EYS: variants seen among roughly 807,000 people sequenced by gnomAD.
EYS encodes EGF-like photoreceptor maintenance factor.
A neutral mutation model predicts 282.1 loss-of-function variants in EYS; 250 were observed. The ratio of observed to expected loss-of-function variants is 0.89; its 90% CI spans 0.80 to 0.98. The LOEUF is 0.98. EYS is among the 50% of genes least tolerant of loss of function. The pLI is 0.00. For missense variants in EYS, 4,016 were observed against 3,709.0 expected, an observed-to-expected ratio of 1.08 and a Z score of -2.15; for synonymous variants, 1,355 against 1,282.9, an observed-to-expected ratio of 1.06 and a Z score of -1.20.
chr6:64,670,580 A>G (rs1369912463), intron 22 of EYS, among the ~76,000 whole-genome samples: 1 of 152,046 alleles, frequency 6.6e-6, no homozygotes, highest in Non-Finnish European at 1.5e-5. Context: ...GACATTTTGC[A>G]TTTCTGTATT....
At chr6:64,615,169 A>T (rs371250063) in intron 24 of EYS, among the ~76,000 whole-genome samples, 2 of 152,084 alleles carry the variant, frequency 1.3e-5, no homozygotes, top group East Asian at 3.9e-4. Context: ...TTTTAGTACT[A>T]ATGCAAATCA....
chr6:64,229,841 G>T (rs1766365295), intron 31 of EYS, among the ~76,000 whole-genome samples: 1 of 152,144 alleles, frequency 6.6e-6, no homozygotes, highest in Non-Finnish European at 1.5e-5. Flanking sequence ...TCTTGGATAA[G>T]TAATAAAATT....
chr6:65,350,041 T>G (rs917443556), intron 9 of EYS, among the ~76,000 whole-genome samples: 8 of 151,440 alleles, frequency 5.3e-5, no homozygotes, highest in African/African-American at 1.7e-4. Flanking sequence ...AGTGACTTAA[T>G]TAAGAGAATT....
intron 2 of EYS, among the ~76,000 whole-genome samples, chr6:65,514,017 G>C (rs1315152200): frequency 6.6e-6 from 1 of 152,112 alleles, no homozygotes; most frequent in Non-Finnish European, 1.5e-5. Context: ...GTTTGCAGAT[G>C]ACATGATTGT....
intron 13 of EYS, among the ~76,000 whole-genome samples, chr6:65,028,338 A>G (rs538250159): frequency 2.6e-5 from 4 of 151,868 alleles, no homozygotes; most frequent in African/African-American, 9.6e-5. Flanking sequence ...TATTATCTAT[A>G]TCATATATAA....
intron 29 of EYS, among the ~76,000 whole-genome samples, chr6:64,381,264 T>C (rs1157421949): frequency 6.6e-6 from 1 of 152,138 alleles, no homozygotes; most frequent in African/African-American, 2.4e-5. Context: ...CTTTGAGCCT[T>C]AAAAACTACT....
At chr6:64,848,256 T>C (rs1765776180) in intron 19 of EYS, among the ~76,000 whole-genome samples, 3 of 152,028 alleles carry the variant, frequency 2.0e-5, no homozygotes, top group African/African-American at 7.2e-5. Context: ...TTTTTTCTTT[T>C]ATTTTTTCAG....
intron 6 of EYS, among the ~76,000 whole-genome samples, chr6:65,403,706 A>G (rs1057378087): frequency 1.3e-5 from 2 of 151,990 alleles, no homozygotes; most frequent in African/African-American, 4.8e-5. Context: ...TATTAAATAG[A>G]GAATATAAAT....
intron 15 of EYS, among the ~76,000 whole-genome samples, chr6:64,928,372 C>T (rs1204326874): frequency 1.3e-5 from 2 of 151,912 alleles, no homozygotes; most frequent in Non-Finnish European, 2.9e-5. Context: ...ATGTGATTAC[C>T]TTTCTTCCAC....
intron 33 of EYS, among the ~76,000 whole-genome samples, chr6:64,060,804 T>C (rs1253285084): frequency 6.6e-6 from 1 of 152,210 alleles, no homozygotes; most frequent in Non-Finnish European, 1.5e-5. Flanking sequence ...TAAATATGTC[T>C]ACAATGATTT....
At chr6:64,299,624 A>G (rs1368357522) in intron 30 of EYS, among the ~76,000 whole-genome samples, 1 of 152,182 alleles carries the variant, frequency 6.6e-6, no homozygotes, top group Non-Finnish European at 1.5e-5. Flanking sequence ...TCATCATGGG[A>G]CAACAGTTAT....
At chr6:65,437,403 G>A (rs1177394702) in intron 5 of EYS, among the ~76,000 whole-genome samples, 1 of 151,980 alleles carries the variant, frequency 6.6e-6, no homozygotes, top group Non-Finnish European at 1.5e-5. Context: ...TTGAAATATA[G>A]AAAGAAAAAG....
chr6:64,706,616 A>G lies in EYS; in HGVS notation c.3444-80371T>C, dbSNP rs116695790. Among the ~76,000 whole-genome samples, 1,124 of 151,980 alleles carry G rather than the reference A, an allele frequency of 7.4e-3. 13 individuals are homozygous for G. The highest frequency in any genetic ancestry group is 0.025 in the African/African-American group (1,056 of 41,476). ...CAAGCAACTCAAACAAATCAGCAAG[A>G]AAAAAAACAAACAATTCCATCAAAC... On this transcript the variant is annotated intron_variant, in intron 22 of 42. Transcript: ENST00000503581.
chr6:65,669,277 G>A lies in EYS; in HGVS notation c.-447-29385C>T, dbSNP rs184509383. Among the ~76,000 whole-genome samples the A allele has an allele frequency of 5.5e-4, 84 of 152,000 alleles. 1 individual carries two copies. The highest frequency in any genetic ancestry group is 1.8e-3 in the African/African-American group (76 of 41,520). On this transcript the variant is annotated intron_variant, in intron 1 of 42. Coordinates refer to ENST00000503581, the MANE Select transcript of EYS (RefSeq NM_001142800.2). ...ATCCTCATATATAAACAAAGTAGAT[G>A]ATATATTCATGCTAAAAGGAATCTG...
chr6:65,216,689 A>T (rs894896506), intron 12 of EYS, among the ~76,000 whole-genome samples: 1 of 151,790 alleles, frequency 6.6e-6, no homozygotes, highest in Non-Finnish European at 1.5e-5. Context: ...AATAATTTTA[A>T]AATGATGTGA....
At chr6:64,002,830 G>T (rs966661967) in intron 33 of EYS, among the ~76,000 whole-genome samples, 1 of 152,122 alleles carries the variant, frequency 6.6e-6, no homozygotes, top group Admixed American at 6.5e-5. Flanking sequence ...GAGCCTCTGC[G>T]CCTGGCCTGA....
intron 31 of EYS, among the ~76,000 whole-genome samples, chr6:64,100,770 A>G (rs530044688): frequency 6.6e-6 from 1 of 152,296 alleles, no homozygotes; most frequent in African/African-American, 2.4e-5. Flanking sequence ...GAGAAGGGTC[A>G]TTAAAGAATT....
At position 63,762,436 on chromosome 6, in the gene EYS, A is replaced by T. The variant is rs1299602515; in HGVS notation, c.8071+25T>A. The T allele has an allele frequency of 3.2e-6, 5 of 1,545,724 alleles. No homozygotes were observed. In the African/African-American group the frequency reaches 6.9e-5, roughly 21 times the overall value. ...AATTTTAGTTATATTTGTGGACAGC[A>T]AAATGATTTGAAATTCTGCCTCACC... On this transcript the variant is annotated intron_variant, in intron 41 of 42. Coordinates refer to ENST00000503581, the MANE Select transcript of EYS (RefSeq NM_001142800.2).
chr6:64,949,830 A>G (rs1769423091), intron 14 of EYS, among the ~76,000 whole-genome samples: 1 of 151,900 alleles, frequency 6.6e-6, no homozygotes, highest in Non-Finnish European at 1.5e-5. Context: ...AGGTGCCTTC[A>G]TATGTAAAGT....
Sources: allele counts gnomAD v4.1 joint callset (sites outside exome capture counted in the v4.1 genomes callset), GRCh38; gene constraint gnomAD v4.1.1; transcripts MANE v1.5; gene names NCBI Gene and HGNC (gene_info 2026-07-23, HGNC 2026-07-21).